Variants in ABR observed in about 807,000 individuals in gnomAD.
The protein encoded by ABR is ABR activator of RhoGEF and GTPase, also known as active breakpoint cluster region-related protein.
Under a neutral mutation model 107.2 loss-of-function variants are expected in ABR, and 35 were observed. The observed-to-expected ratio is 0.33, with a 90% CI of 0.25 to 0.43. ABR has a LOEUF of 0.43. Ranked by LOEUF, ABR falls within the 20% of genes least tolerant of loss-of-function variation. The pLI, the probability that ABR is intolerant of heterozygous loss-of-function variation, is 1.00. For synonymous variants in ABR, 498 were observed against 462.0 expected, an observed-to-expected ratio of 1.08 and a Z score of -1.00; for missense variants, 815 against 1,115.2, an observed-to-expected ratio of 0.73 and a Z score of 3.83.
chr17:1,130,673 T>C (rs960770898), intron 1 of ABR, among the ~76,000 whole-genome samples: 1 of 152,206 alleles, frequency 6.6e-6, no homozygotes, highest in Non-Finnish European at 1.5e-5. Flanking sequence ...GAAAACATTC[T>C]TTGTAGATGT....
chr17:1,221,350 T>G (rs1056941809), intron 1 of ABR, among the ~76,000 whole-genome samples: 1 of 152,158 alleles, frequency 6.6e-6, no homozygotes, highest in East Asian at 1.9e-4. Context: ...CTCTTCCCAT[T>G]CTTCTAATTC....
chr17:1,112,634 A>T (rs561517614), intron 2 of ABR, among the ~76,000 whole-genome samples: 1 of 152,048 alleles, frequency 6.6e-6, no homozygotes, highest in Non-Finnish European at 1.5e-5. Flanking sequence ...GAAGGAAGAG[A>T]GGAAGGAAGG....
At chr17:1,111,010 T>C (rs2038644214) in intron 2 of ABR, among the ~76,000 whole-genome samples, 1 of 152,168 alleles carries the variant, frequency 6.6e-6, no homozygotes, top group Non-Finnish European at 1.5e-5. Flanking sequence ...GGCACAAGTA[T>C]GCCAGCTCAG....
At chr17:1,204,235 G>A (rs1456591271) in intron 1 of ABR, among the ~76,000 whole-genome samples, 3 of 152,200 alleles carry the variant, frequency 2.0e-5, no homozygotes, top group Non-Finnish European at 4.4e-5. Context: ...ACCTGAGGTT[G>A]GGAGTTCGAG....
chr17:1,159,461 A>AG (rs2041185919), intron 1 of ABR, among the ~76,000 whole-genome samples: 1 of 88,970 alleles, frequency 1.1e-5, no homozygotes, highest in Admixed American at 1.2e-4. Context: ...CACACAAGGG[A>AG]AGTAAGAATG....
chr17:1,048,032 C>G (rs1167536400), intron 16 of ABR, among the ~76,000 whole-genome samples: 1 of 152,240 alleles, frequency 6.6e-6, no homozygotes, highest in Non-Finnish European at 1.5e-5. Context: ...GCCTGGGCGT[C>G]TCCTGGGGCT....
rs997412758 is a variant in ABR, at chr17:1,012,499, C to T, written c.1961+189G>A. 47 of 701,236 alleles carry T rather than the reference C, an allele frequency of 6.7e-5. No individual in the cohort carries two copies. In the East Asian group the frequency reaches 7.8e-4, roughly 12 times the overall value. The allele number at this position is 701,236 out of a possible 1,614,324, so 43.4% of individuals were successfully genotyped here. On this transcript the variant is annotated intron_variant, in intron 18 of 22. Transcript: ENST00000302538. The stretch of plus-strand genomic sequence containing the variant: ...CTTCCAGCGTTTAGGTGCTGGCTCG[C>T]GTGCTTCTGAAGTGTCCTGTGAGCG...
At position 1,070,641 on chromosome 17, in the gene ABR, T is replaced by C. The variant is rs2035164195; in HGVS notation, c.895-551A>G. 6.6e-6 allele frequency among the ~76,000 whole-genome samples: 1 copy of C among 151,650 alleles called. No individual in the cohort carries two copies. The highest frequency in any genetic ancestry group is 2.1e-4 in the South Asian group (1 of 4,780). ...CCTGGCTTCTCCAGCCCCCTGGGGA[T>C]GAGACCTGGGCCCTCCAGCCTGGGA... On this transcript the variant is annotated intron_variant, in intron 8 of 22. Coordinates refer to ENST00000302538, the MANE Select transcript of ABR (RefSeq NM_021962.5). This position sits in a 1 kb window ranked among gnomAD's most constrained non-coding sequence, Gnocchi z 4.2.
At chr17:1,220,542 C>T (rs2043101467) in intron 1 of ABR, among the ~76,000 whole-genome samples, 5 of 152,088 alleles carry the variant, frequency 3.3e-5, no homozygotes, top group Admixed American at 2.6e-4. Context: ...CAGGTGGTCA[C>T]GGGGATTTCT....
chr17:1,104,715 G>A (rs1305688628), intron 2 of ABR, among the ~76,000 whole-genome samples: 1 of 152,248 alleles, frequency 6.6e-6, no homozygotes, highest in Non-Finnish European at 1.5e-5. Context: ...CTCTCCCAGC[G>A]CTAGGCGCTG....
At chr17:1,108,765 G>A (rs1240862082) in intron 2 of ABR, among the ~76,000 whole-genome samples, 1 of 152,042 alleles carries the variant, frequency 6.6e-6, no homozygotes, top group Non-Finnish European at 1.5e-5. Flanking sequence ...CACCGGTCGG[G>A]GAGGCAGGCC....
chr17:1,170,625 G>A lies in ABR; in HGVS notation c.61+9042C>T, dbSNP rs144963816. Among the ~76,000 whole-genome samples, 200 of 152,014 alleles carry A rather than the reference G, an allele frequency of 1.3e-3. 1 individual carries two copies. The highest frequency in any genetic ancestry group is 4.7e-3 in the African/African-American group (196 of 41,448). On this transcript the variant is annotated intron_variant, in intron 1 of 22. Transcript: ENST00000302538. The stretch of plus-strand genomic sequence containing the variant: ...CTAATTTTTGTATTTTAGTAGAAAC[G>A]GGGTTTCATCATGTTGGTCAGGCTG...
chr17:1,140,605 C>T (rs142433409), intron 1 of ABR, among the ~76,000 whole-genome samples: 3 of 152,138 alleles, frequency 2.0e-5, no homozygotes, highest in Admixed American at 1.3e-4. Context: ...TTTTTGGAGA[C>T]GAAGTCTCAA....
intron 16 of ABR, among the ~76,000 whole-genome samples, chr17:1,018,760 C>T (rs1194905820): frequency 1.3e-5 from 2 of 152,208 alleles, no homozygotes; most frequent in Non-Finnish European, 2.9e-5. Flanking sequence ...GTGAGAGCAA[C>T]GGACTTATCT....
rs761968267 is a variant in ABR at position 1,005,062 on chromosome 17, C to G, written c.*1018G>C. On this transcript the variant is annotated 3_prime_UTR_variant, in exon 23 of 23. Coordinates refer to ENST00000302538, the MANE Select transcript of ABR (RefSeq NM_021962.5). Reference sequence around the variant, plus strand: ...CCACAACTTGCTCCTAAGAGCTGAGCTGCCTCCCCGCGACCCGGGACACCC... The same window carrying G: ...CCACAACTTGCTCCTAAGAGCTGAGGTGCCTCCCCGCGACCCGGGACACCC... The G allele has an allele frequency of 1.6e-4, 63 of 398,848 alleles. No homozygotes were observed. Among genetic ancestry groups the G allele is most frequent in the Non-Finnish European group, 2.6e-4 (58 of 226,232 alleles). 24.7% of individuals were successfully genotyped at this position (398,848 alleles called of 1,614,324 possible).
chr17:1,009,754 C>T lies in ABR; in HGVS notation c.2267G>A (p.Cys756Tyr). 1 of 1,614,114 alleles carries T rather than the reference C, an allele frequency of 6.2e-7. No homozygotes were observed. The highest frequency in any genetic ancestry group is 8.5e-7 in the Non-Finnish European group (1 of 1,180,026). Residue 756 changes from cysteine to tyrosine, a missense_variant, in exon 21 of 23, where the codon TGC (cysteine) becomes TAC (tyrosine). By Grantham distance (194) the Cys-to-Tyr change is radical. Coordinates refer to ENST00000302538, the MANE Select transcript of ABR (RefSeq NM_021962.5). ...CAGGGAGCGGAGCAGGTGCATCATG[C>T]AGTTTTCCTTGGCAGCAGGGTCTGA... is the stretch of plus-strand genomic sequence containing the variant. ...ALSDPAAKEN[C>Y]MMHLLRSLPD... is the part of the protein sequence containing the mutation.
At position 1,084,760 on chromosome 17, in the gene ABR, C is replaced by CT. The variant is rs1364479401; in HGVS notation, c.532-1134dup. Among the ~76,000 whole-genome samples, 1 of 152,198 alleles carries CT rather than the reference C, an allele frequency of 6.6e-6. No individual in the cohort carries two copies. The highest frequency in any genetic ancestry group is 1.5e-5 in the Non-Finnish European group (1 of 68,038). On this transcript the variant is annotated intron_variant, in intron 4 of 22. Coordinates refer to ENST00000302538, the MANE Select transcript of ABR (RefSeq NM_021962.5). This position sits in a 1 kb window ranked among gnomAD's most constrained non-coding sequence, Gnocchi z 4.2. ...ATCAGAAGGGTCAAAATTTAAAAGT[C>CT]TAATTGACAGCAACGGCTGGCAAGC...
intron 1 of ABR, among the ~76,000 whole-genome samples, chr17:1,223,304 A>AACACAC (rs56226163): frequency 0.081 from 12,049 of 149,158 alleles, 540 homozygotes; most frequent in East Asian, 0.12. Flanking sequence ...AATCAGTAAC[A>AACACAC]ACACACACAC....
chr17:1,129,632 T>G (rs1008288834), intron 1 of ABR, among the ~76,000 whole-genome samples: 2 of 152,008 alleles, frequency 1.3e-5, no homozygotes, highest in Non-Finnish European at 2.9e-5. Flanking sequence ...TACAACTCTC[T>G]GCAACTTACT....
Sources: allele counts gnomAD v4.1 joint callset (sites outside exome capture counted in the v4.1 genomes callset), GRCh38; gene constraint gnomAD v4.1.1; non-coding constraint Gnocchi (gnomAD v3.1); transcripts MANE v1.5; gene names NCBI Gene and HGNC (gene_info 2026-07-23, HGNC 2026-07-21).